Variants in EPB41L3 observed in about 807,000 individuals in gnomAD.
EPB41L3 encodes the protein band 4.1-like protein 3.
In EPB41L3, 57 loss-of-function variants were observed where a neutral mutation model predicts 127.1. That is an observed-to-expected ratio of 0.45 (90% confidence interval 0.36 to 0.56). EPB41L3 has a LOEUF of 0.56. Among genes scored for constraint, EPB41L3 ranks in the 20% least tolerant of loss-of-function variants. The probability of loss-of-function intolerance (pLI) is 0.00; values close to 1 mark genes in which losing one functional copy is unlikely to be tolerated. For synonymous variants in EPB41L3, 572 were observed against 549.5 expected, an observed-to-expected ratio of 1.04 and a Z score of -0.57; for missense variants, 1,273 against 1,372.2, an observed-to-expected ratio of 0.93 and a Z score of 1.14.
At chr18:5,479,315 A>C (rs2087924362) in intron 2 of EPB41L3, among the ~76,000 whole-genome samples, 1 of 152,228 alleles carries the variant, frequency 6.6e-6, no homozygotes, top group African/African-American at 2.4e-5. Context: ...ATGTGCTGAC[A>C]GTCCAAAGGA....
chr18:5,595,170 T>C (rs1213296580), intron 3 of EPB41L3, among the ~76,000 whole-genome samples: 3 of 152,234 alleles, frequency 2.0e-5, no homozygotes, highest in Non-Finnish European at 4.4e-5. Context: ...CCTAATTGTT[T>C]AAGATCCAAT....
At position 5,428,303 on chromosome 18, in the gene EPB41L3, G is replaced by C; in HGVS notation, c.1065+10C>G. 6.2e-7 allele frequency: 1 copy of C among 1,613,830 alleles called. No homozygotes were observed. Among genetic ancestry groups the C allele is most frequent in the Non-Finnish European group, 8.5e-7 (1 of 1,179,814 alleles). ...CCTCCCAACGCACAGGCAAATGTGG[G>C]TATACTTACCTCTCCCGGCCGGATC... On this transcript the variant is annotated intron_variant, in intron 9 of 22. Transcript: ENST00000341928.
chr18:5,587,695 C>T (rs1486097914), intron 3 of EPB41L3, among the ~76,000 whole-genome samples: 1 of 152,082 alleles, frequency 6.6e-6, no homozygotes, highest in Non-Finnish European at 1.5e-5. Context: ...CAATGATTTC[C>T]AAATAGTGTC....
At chr18:5,526,184 T>C (rs1042147713) in intron 1 of EPB41L3, among the ~76,000 whole-genome samples, 8 of 152,148 alleles carry the variant, frequency 5.3e-5, no homozygotes, top group African/African-American at 1.9e-4. Flanking sequence ...TAACATCCAA[T>C]TGAGAACAGT....
intron 3 of EPB41L3, among the ~76,000 whole-genome samples, chr18:5,468,403 C>T (rs746073298): frequency 7.9e-5 from 12 of 152,180 alleles, no homozygotes; most frequent in African/African-American, 1.7e-4. Context: ...TGATAACTTA[C>T]GGTGCTTTTT....
chr18:5,456,178 CTG>C (rs766455346), intron 3 of EPB41L3, among the ~76,000 whole-genome samples: 35 of 152,138 alleles, frequency 2.3e-4, no homozygotes, highest in Non-Finnish European at 3.8e-4. Flanking sequence ...ATTTGTAGCA[CTG>C]TCACTTTTCA....
intron 14 of EPB41L3, among the ~76,000 whole-genome samples, chr18:5,409,128 G>A (rs994797384): frequency 5.9e-5 from 9 of 152,174 alleles, no homozygotes; most frequent in African/African-American, 2.2e-4. Flanking sequence ...GTATCACGGG[G>A]CAAACAGGAA....
intron 20 of EPB41L3, among the ~76,000 whole-genome samples, 190 bp downstream of exon 20, chr18:5,395,419 G>A (rs2073213927): frequency 1.3e-5 from 2 of 152,164 alleles, no homozygotes; most frequent in Non-Finnish European, 2.9e-5. Flanking sequence ...ATTCCTAAAG[G>A]GGAACTCGCA....
At chr18:5,523,536 C>T (rs527559508) in intron 1 of EPB41L3, among the ~76,000 whole-genome samples, 4 of 152,202 alleles carry the variant, frequency 2.6e-5, no homozygotes, top group African/African-American at 4.8e-5. Flanking sequence ...TGGTGGCTCA[C>T]GCCTGTTATC....
Position 5,406,984 on chromosome 18 carries a change from A to G in EPB41L3, c.2158-16T>C, listed in dbSNP as rs753553251. ...TTTCTAGCTCCTATATTCAGAACAT[A>G]AAGTATCCAACAGTCAATGTTTTAC... is the stretch of plus-strand genomic sequence containing the variant. On this transcript the variant is annotated splice_polypyrimidine_tract_variant and intron_variant, in intron 15 of 22. Transcript: ENST00000341928. 40 of 1,607,412 alleles carry G rather than the reference A, an allele frequency of 2.5e-5. 1 individual carries two copies. In the East Asian group the frequency reaches 7.6e-4, roughly 30 times the overall value.
At chr18:5,612,856 TCA>T (rs2144065380) in intron 2 of EPB41L3, among the ~76,000 whole-genome samples, 1 of 152,320 alleles carries the variant, frequency 6.6e-6, no homozygotes, top group African/African-American at 2.4e-5. Flanking sequence ...TTCTCATGCC[TCA>T]GTCTCCTGAG....
intron 3 of EPB41L3, among the ~76,000 whole-genome samples, chr18:5,584,048 C>T (rs554098175): frequency 2.2e-4 from 33 of 152,314 alleles, no homozygotes; most frequent in Admixed American, 9.8e-4. Context: ...CCTCAGATGA[C>T]CCGCCTGCCT....
chr18:5,404,249 T>TA (rs1275553606), intron 16 of EPB41L3, among the ~76,000 whole-genome samples: 1 of 152,192 alleles, frequency 6.6e-6, no homozygotes, highest in Non-Finnish European at 1.5e-5. Flanking sequence ...TAAGCAGGGT[T>TA]AATCAGCCCT....
chr18:5,491,196 C>T (rs1312407102), intron 1 of EPB41L3, among the ~76,000 whole-genome samples: 1 of 152,206 alleles, frequency 6.6e-6, no homozygotes, highest in Non-Finnish European at 1.5e-5. Flanking sequence ...TTCCCACTGG[C>T]TGGATGTGCA....
chr18:5,476,559 T>G (rs78247158), intron 3 of EPB41L3, among the ~76,000 whole-genome samples: 1 of 152,234 alleles, frequency 6.6e-6, no homozygotes, highest in Non-Finnish European at 1.5e-5. Context: ...TCTTCTAGAC[T>G]CTTGGAAGAC....
chr18:5,570,612 T>C (rs1006771727), intron 3 of EPB41L3, among the ~76,000 whole-genome samples: 49 of 152,152 alleles, frequency 3.2e-4, no homozygotes, highest in Non-Finnish European at 5.9e-5. Flanking sequence ...TTAATTTTAT[T>C]TTTATTATAC....
intron 1 of EPB41L3, among the ~76,000 whole-genome samples, chr18:5,499,829 G>GTGTGTGTATATATATATATA (rs563662904): frequency 3.2e-5 from 4 of 124,614 alleles, no homozygotes; most frequent in African/African-American, 9.3e-5. Flanking sequence ...CTATGTGTGT[G>GTGTGTGTATATATATATATA]TATATATATA....
intron 3 of EPB41L3, among the ~76,000 whole-genome samples, chr18:5,471,432 G>A (rs1444839494): frequency 1.3e-5 from 2 of 152,192 alleles, no homozygotes; most frequent in East Asian, 1.9e-4. Flanking sequence ...TCTGACAGAG[G>A]TGAACTTCAA....
intron 3 of EPB41L3, among the ~76,000 whole-genome samples, chr18:5,563,172 A>G (rs1319916454): frequency 2.0e-5 from 3 of 152,202 alleles, no homozygotes; most frequent in Non-Finnish European, 4.4e-5. Flanking sequence ...AGTCATTAGT[A>G]TGGGGAATAT....
Sources: allele counts gnomAD v4.1 joint callset (sites outside exome capture counted in the v4.1 genomes callset), GRCh38; gene constraint gnomAD v4.1.1; transcripts MANE v1.5; gene names NCBI Gene and HGNC (gene_info 2026-07-23, HGNC 2026-07-21).